The following PAIP2B variants were observed in gnomAD, a reference collection of about 807,000 sequenced individuals.
PAIP2B encodes the protein polyadenylate-binding protein-interacting protein 2B.
Under a neutral mutation model 17.0 loss-of-function variants are expected in PAIP2B, and 13 were observed. That is an observed-to-expected ratio of 0.76 (90% CI 0.50 to 1.22). The LOEUF is 1.22. Among genes scored for constraint, PAIP2B ranks in the 50% most tolerant of loss-of-function variants. The probability of loss-of-function intolerance (pLI) is 0.00; values close to 1 mark genes in which losing one functional copy is unlikely to be tolerated. For missense variants in PAIP2B, 117 were observed against 144.5 expected, an observed-to-expected ratio of 0.81 and a Z score of 0.98; for synonymous variants, 43 against 48.7, an observed-to-expected ratio of 0.88 and a Z score of 0.48.
At chr2:71,194,458 G>T (rs1241300338) in intron 2 of PAIP2B, among the ~76,000 whole-genome samples, 1 of 69,998 alleles carries the variant, frequency 1.4e-5, no homozygotes, top group East Asian at 5.1e-4. Context: ...GTATTCCTAG[G>T]TTGTGTGTGT....
At chr2:71,196,345 T>C (rs1362209358) in intron 2 of PAIP2B, among the ~76,000 whole-genome samples, 1 of 152,230 alleles carries the variant, frequency 6.6e-6, no homozygotes, top group Non-Finnish European at 1.5e-5. Flanking sequence ...TGTTGACTTC[T>C]ATTTTTATTG....
intron 1 of PAIP2B, among the ~76,000 whole-genome samples, chr2:71,214,829 C>T (rs1407714009): frequency 2.0e-5 from 3 of 152,102 alleles, no homozygotes; most frequent in African/African-American, 7.2e-5. Context: ...GCTTTGGACC[C>T]TCTATGAACC....
chr2:71,205,736 T>C (rs1047782551), intron 1 of PAIP2B, among the ~76,000 whole-genome samples: 3 of 152,192 alleles, frequency 2.0e-5, no homozygotes, highest in African/African-American at 7.2e-5. Flanking sequence ...ATTATTTCAC[T>C]TGATCCTCAT....
At chr2:71,208,948 C>A (rs1205816666) in intron 1 of PAIP2B, among the ~76,000 whole-genome samples, 1 of 152,130 alleles carries the variant, frequency 6.6e-6, no homozygotes, top group East Asian at 1.9e-4. Flanking sequence ...TTCTGGCCTC[C>A]AGAACTATGA....
intron 1 of PAIP2B, among the ~76,000 whole-genome samples, chr2:71,226,549 A>G (rs1373328645): frequency 6.6e-6 from 1 of 152,120 alleles, no homozygotes; most frequent in Non-Finnish European, 1.5e-5. Flanking sequence ...GCGCGGGTCA[A>G]TTTGCCTAGC....
Position 71,208,379 on chromosome 2 carries a change from C to T in PAIP2B, c.-11-5779G>A, listed in dbSNP as rs137981041. ...TGGAGGTTGTAGTGAGCTGAGATCG[C>T]GCCATCGCACTCCAGACTGGGTGAT... On this transcript the variant is annotated intron_variant, in intron 1 of 3. Coordinates refer to ENST00000244221, the MANE Select transcript of PAIP2B (RefSeq NM_020459.1). 2.1e-3 allele frequency among the ~76,000 whole-genome samples: 312 copies of T among 151,910 alleles called. 2 individuals carry two copies. Among genetic ancestry groups the T allele is most frequent in the African/African-American group, 7.1e-3 (293 of 41,402 alleles).
In PAIP2B at chr2:71,187,951, T is replaced by A. The variant is rs1458137466; in HGVS notation, c.*528A>T. 6.5e-6 allele frequency: 1 copy of A among 154,980 alleles called. No homozygotes were observed. The highest frequency in any genetic ancestry group is 3.4e-3 in the Middle Eastern group (1 of 294). 9.6% of individuals were successfully genotyped at this position (154,980 alleles called of 1,614,324 possible). A position where few individuals can be genotyped will look rare whatever the true frequency, so the allele number is the denominator to read the frequency against. On this transcript the variant is annotated 3_prime_UTR_variant, in exon 4 of 4. Coordinates refer to ENST00000244221, the MANE Select transcript of PAIP2B (RefSeq NM_020459.1). ...AAACAGGCAAGGGCTTGACAGCACA[T>A]TGGTTATCCGAGTTCATTGCAGGAG...
intron 1 of PAIP2B, among the ~76,000 whole-genome samples, chr2:71,220,133 AACC>A (rs979511707): frequency 6.6e-6 from 1 of 152,230 alleles, no homozygotes; most frequent in African/African-American, 2.4e-5. Context: ...TGCCAAGCAT[AACC>A]ACCTACACAC....
chr2:71,215,339 A>C lies in PAIP2B; in HGVS notation c.-12+11589T>G, dbSNP rs558969723. ...AATGCAGACTCCCCCCAGCCTCCCA[A>C]AAAGGTCCATCCTAGGAGATCACAA... On this transcript the variant is annotated intron_variant, in intron 1 of 3. Transcript: ENST00000244221. 6.7e-4 allele frequency among the ~76,000 whole-genome samples: 102 copies of C among 152,156 alleles called. 2 individuals carry two copies. The South Asian group carries it at 0.02, about 29-fold the overall frequency.
At chr2:71,202,654 G>C (rs1558776935) in intron 1 of PAIP2B, 54 bp from the exon 2 acceptor site, 1 of 1,470,776 alleles carries the variant, frequency 6.8e-7, no homozygotes, top group African/African-American at 1.4e-5. Context: ...AGGAAATGTA[G>C]AGACCTAAAA....
At chr2:71,222,133 C>T (rs908390636) in intron 1 of PAIP2B, among the ~76,000 whole-genome samples, 1 of 152,170 alleles carries the variant, frequency 6.6e-6, no homozygotes, top group African/African-American at 2.4e-5. Context: ...ACACTCACCA[C>T]GAAGGTCTGG....
chr2:71,194,502 G>T (rs1316904515), intron 2 of PAIP2B, among the ~76,000 whole-genome samples: 1 of 147,986 alleles, frequency 6.8e-6, no homozygotes, highest in Non-Finnish European at 1.5e-5. Context: ...TGGCAACTGT[G>T]AATGGGATTG....
chr2:71,222,675 C>G (rs917271136), intron 1 of PAIP2B, among the ~76,000 whole-genome samples: 1 of 152,154 alleles, frequency 6.6e-6, no homozygotes, highest in African/African-American at 2.4e-5. Flanking sequence ...TGCAACCCAC[C>G]AGGGACTAAC....
At chr2:71,190,247 C>T (rs530619191) in intron 2 of PAIP2B, among the ~76,000 whole-genome samples, 52 of 152,018 alleles carry the variant, frequency 3.4e-4, no homozygotes, top group Non-Finnish European at 2.8e-4. Flanking sequence ...ATAGCATGAC[C>T]CTGCCTCTAC....
chr2:71,193,580 T>C (rs1674740881), intron 2 of PAIP2B, among the ~76,000 whole-genome samples: 1 of 152,124 alleles, frequency 6.6e-6, no homozygotes, highest in African/African-American at 2.4e-5. Flanking sequence ...TTTAGCCAGG[T>C]GCAGTGGCTC....
intron 2 of PAIP2B, among the ~76,000 whole-genome samples, 195 bp from the exon 3 acceptor site, chr2:71,190,216 T>G (rs1572919765): frequency 6.6e-6 from 1 of 152,064 alleles, no homozygotes; most frequent in South Asian, 2.1e-4. Context: ...GGCCAGGAGG[T>G]TTGAGACCAG....
At chr2:71,202,137 C>A (rs138378788) in intron 2 of PAIP2B, among the ~76,000 whole-genome samples, 42 of 152,296 alleles carry the variant, frequency 2.8e-4, no homozygotes, top group African/African-American at 1.0e-3. Context: ...GGAGTATATG[C>A]AAATCTATTT....
At chr2:71,207,666 G>C (rs1421082607) in intron 1 of PAIP2B, among the ~76,000 whole-genome samples, 2 of 152,188 alleles carry the variant, frequency 1.3e-5, no homozygotes, top group Non-Finnish European at 2.9e-5. Context: ...CTTGAACTAA[G>C]ATGATGGCAG....
chr2:71,190,335 G>A (rs1348968741), intron 2 of PAIP2B, among the ~76,000 whole-genome samples: 1 of 152,108 alleles, frequency 6.6e-6, no homozygotes, highest in Non-Finnish European at 1.5e-5. Context: ...GAGGCTGGAG[G>A]ACAACTTGAA....
Sources: gnomAD v4.1 joint callset for allele counts (sites outside exome capture counted in the v4.1 genomes callset) on GRCh38, gnomAD v4.1.1 for gene constraint, MANE v1.5 for transcripts, NCBI Gene and HGNC (gene_info 2026-07-23, HGNC 2026-07-21) for gene names.